The following CDKAL1 variants were observed in gnomAD, a reference collection of about 807,000 sequenced individuals.
The protein encoded by CDKAL1 is CDKAL1 threonylcarbamoyladenosine tRNA methylthiotransferase.
A neutral mutation model predicts 68.2 loss-of-function variants in CDKAL1; 32 were observed. That is an observed-to-expected ratio of 0.47 (90% CI 0.35 to 0.63). The LOEUF is 0.63. Among genes scored for constraint, CDKAL1 ranks in the 30% least tolerant of loss-of-function variants. The probability of loss-of-function intolerance (pLI) is 0.00; values close to 1 mark genes in which losing one functional copy is unlikely to be tolerated. For missense variants in CDKAL1, 606 were observed against 696.7 expected, an observed-to-expected ratio of 0.87 and a Z score of 1.47; for synonymous variants, 234 against 244.3, an observed-to-expected ratio of 0.96 and a Z score of 0.39.
At chr6:20,822,467 A>G (rs150296561) in intron 8 of CDKAL1, among the ~76,000 whole-genome samples, 2 of 152,148 alleles carry the variant, frequency 1.3e-5, no homozygotes, top group South Asian at 4.1e-4. Flanking sequence ...AGACCTCGCG[A>G]TACTTCTCGG....
At chr6:21,223,966 G>T (rs949070745) in intron 15 of CDKAL1, among the ~76,000 whole-genome samples, 2 of 152,256 alleles carry the variant, frequency 1.3e-5, no homozygotes, top group South Asian at 2.1e-4. Flanking sequence ...TCCTAGAGGC[G>T]CCCTATCCCT....
At chr6:20,862,660 T>TGC (rs372549461) in intron 9 of CDKAL1, among the ~76,000 whole-genome samples, 8,803 of 147,276 alleles carry the variant, frequency 0.06, 594 homozygotes, top group African/African-American at 0.14. Flanking sequence ...TGTGTGTGTG[T>TGC]GTGCGCGCGT....
intron 11 of CDKAL1, among the ~76,000 whole-genome samples, chr6:21,041,507 T>G (rs1240941513): frequency 6.6e-6 from 1 of 151,916 alleles, no homozygotes; most frequent in Non-Finnish European, 1.5e-5. Flanking sequence ...ATCATGTAAT[T>G]CCTTTCAACC....
chr6:20,753,850 C>T (rs1223757815), intron 6 of CDKAL1, among the ~76,000 whole-genome samples: 3 of 152,082 alleles, frequency 2.0e-5, no homozygotes, highest in Non-Finnish European at 4.4e-5. Flanking sequence ...ATTTGAGGAA[C>T]AGGCAGCTTA....
chr6:20,592,347 A>C (rs1161022192), intron 4 of CDKAL1, among the ~76,000 whole-genome samples: 1 of 151,460 alleles, frequency 6.6e-6, no homozygotes, highest in Non-Finnish European at 1.5e-5. Context: ...AATACCCTTT[A>C]TTTCTTTCTC....
At chr6:20,603,085 C>T (rs139117098) in intron 4 of CDKAL1, among the ~76,000 whole-genome samples, 72 of 152,278 alleles carry the variant, frequency 4.7e-4, no homozygotes, top group Middle Eastern at 3.4e-3. Context: ...GATTTTTCTT[C>T]CTCTTCTACT....
intron 4 of CDKAL1, among the ~76,000 whole-genome samples, chr6:20,590,085 A>C (rs930729939): frequency 6.6e-6 from 1 of 152,218 alleles, no homozygotes; most frequent in Non-Finnish European, 1.5e-5. Flanking sequence ...AAAAGTGCTC[A>C]TATAAGTAGT....
rs146471192 is a variant in CDKAL1 at position 21,039,931 on chromosome 6, G to T, written c.1056-25117G>T. Among the ~76,000 whole-genome samples the T allele has an allele frequency of 7.9e-5, 12 of 152,276 alleles. No individual in the cohort carries two copies. In the East Asian group the frequency reaches 2.3e-3, roughly 29 times the overall value. ...GTGAAAAATTAGTGTAGTTTCAGTG[G>T]CTGATTTTGTGCAGTAAACATTAAG... On this transcript the variant is annotated intron_variant, in intron 11 of 15. Coordinates refer to ENST00000274695, the MANE Select transcript of CDKAL1 (RefSeq NM_017774.3).
rs562556569 is a variant in CDKAL1, at chr6:21,139,455, G to T, written c.1299+30992G>T. Among the ~76,000 whole-genome samples, 3 of 152,272 alleles carry T rather than the reference G, an allele frequency of 2.0e-5. No homozygotes were observed. The East Asian group carries it at 5.8e-4, about 29-fold the overall frequency. ...AGGAAAGACTTAAAGAGCAAGAAAA[G>T]GTAGAGAAAAATAACTTCTACCTTT... On this transcript the variant is annotated intron_variant, in intron 13 of 15. Transcript: ENST00000274695.
intron 15 of CDKAL1, among the ~76,000 whole-genome samples, chr6:21,213,815 C>T (rs1779247100): frequency 6.6e-6 from 1 of 152,174 alleles, no homozygotes; most frequent in Non-Finnish European, 1.5e-5. Context: ...CTCCATATGA[C>T]TCAGAGCATT....
At chr6:20,644,766 G>A (rs2127755011) in intron 4 of CDKAL1, among the ~76,000 whole-genome samples, 1 of 152,334 alleles carries the variant, frequency 6.6e-6, no homozygotes, top group Middle Eastern at 3.4e-3. Context: ...AAAAGATTAT[G>A]TAATTTTTTG....
At chr6:21,135,248 A>G (rs1332898168) in intron 13 of CDKAL1, among the ~76,000 whole-genome samples, 1 of 152,186 alleles carries the variant, frequency 6.6e-6, no homozygotes, top group Non-Finnish European at 1.5e-5. Flanking sequence ...AAAAAAGTTT[A>G]ATAACCTCAA....
intron 12 of CDKAL1, among the ~76,000 whole-genome samples, chr6:21,102,233 C>T (rs1255288151): frequency 6.6e-6 from 1 of 152,138 alleles, no homozygotes; most frequent in Admixed American, 6.5e-5. Flanking sequence ...TTTTACCGTG[C>T]TTTTATCAAA....
intron 13 of CDKAL1, among the ~76,000 whole-genome samples, chr6:21,180,325 C>G (rs1777740463): frequency 6.7e-6 from 1 of 149,450 alleles, no homozygotes; most frequent in South Asian, 2.1e-4. Flanking sequence ...AAAACAGTGA[C>G]TCTGAGACCT....
At chr6:21,082,637 A>T (rs188840325) in intron 12 of CDKAL1, among the ~76,000 whole-genome samples, 87 of 152,294 alleles carry the variant, frequency 5.7e-4, no homozygotes, top group African/African-American at 1.7e-3. Flanking sequence ...CAGTAAGTTT[A>T]TAGGCCTTAG....
intron 13 of CDKAL1, among the ~76,000 whole-genome samples, chr6:21,177,506 T>C (rs1188217024): frequency 6.6e-6 from 1 of 152,236 alleles, no homozygotes; most frequent in African/African-American, 2.4e-5. Flanking sequence ...ATGAGTTTTT[T>C]TCCCACTGTC....
At chr6:20,853,869 T>TTA (rs1314151019) in intron 9 of CDKAL1, among the ~76,000 whole-genome samples, 1 of 152,146 alleles carries the variant, frequency 6.6e-6, no homozygotes, top group Admixed American at 6.5e-5. Context: ...CCCTGGTTGA[T>TTA]TAGTAAATAA....
At chr6:21,021,705 G>C (rs1768675882) in intron 11 of CDKAL1, among the ~76,000 whole-genome samples, 1 of 152,096 alleles carries the variant, frequency 6.6e-6, no homozygotes, top group African/African-American at 2.4e-5. Context: ...TGAAATTAAA[G>C]ATACATTTTT....
intron 12 of CDKAL1, among the ~76,000 whole-genome samples, chr6:21,087,238 A>G (rs563629671): frequency 6.6e-6 from 1 of 152,240 alleles, no homozygotes; most frequent in Non-Finnish European, 1.5e-5. Flanking sequence ...CAGCTGCTCT[A>G]CGGGAGGACT....
Sources: allele counts gnomAD v4.1 joint callset (sites outside exome capture counted in the v4.1 genomes callset), GRCh38; gene constraint gnomAD v4.1.1; transcripts MANE v1.5; gene names NCBI Gene and HGNC (gene_info 2026-07-23, HGNC 2026-07-21).